MB21D2: variants seen among roughly 807,000 people sequenced by gnomAD.
MB21D2 encodes the protein nucleotidyltransferase MB21D2.
MB21D2 carries 9 observed loss-of-function variants against 33.3 expected under a neutral mutation model. The observed-to-expected ratio is 0.27, with a 90% CI of 0.16 to 0.47. The LOEUF is 0.47. MB21D2 is among the 20% of genes least tolerant of loss of function. The probability of loss-of-function intolerance (pLI) is 0.99; values close to 1 mark genes in which losing one functional copy is unlikely to be tolerated. For synonymous variants in MB21D2, 241 were observed against 236.3 expected, an observed-to-expected ratio of 1.02 and a Z score of -0.18; for missense variants, 540 against 624.6, an observed-to-expected ratio of 0.86 and a Z score of 1.44.
intron 1 of MB21D2, among the ~76,000 whole-genome samples, chr3:192,824,635 G>A (rs539855671): frequency 7.2e-5 from 11 of 152,176 alleles, no homozygotes; most frequent in South Asian, 4.2e-4. Context: ...ATAAAGAGGC[G>A]CTTGAGTTCA....
At chr3:192,840,415 C>CTT (rs71177380) in intron 1 of MB21D2, among the ~76,000 whole-genome samples, 20 of 88,292 alleles carry the variant, frequency 2.3e-4, no homozygotes, top group South Asian at 4.5e-4. Flanking sequence ...TCTCTTTTTT[C>CTT]TTTTTTTTTT....
At chr3:192,913,448 TTC>T (rs1169341346) in intron 1 of MB21D2, among the ~76,000 whole-genome samples, 1 of 152,202 alleles carries the variant, frequency 6.6e-6, no homozygotes, top group African/African-American at 2.4e-5. Flanking sequence ...CACGTATATA[TTC>T]TTTTTTAGTT....
intron 1 of MB21D2, among the ~76,000 whole-genome samples, chr3:192,889,785 A>G (rs1444770498): frequency 1.3e-5 from 2 of 152,178 alleles, no homozygotes; most frequent in African/African-American, 4.8e-5. Flanking sequence ...GCAACATAAC[A>G]AGAAAACATT....
chr3:192,819,562 A>G (rs1712001657), intron 1 of MB21D2, among the ~76,000 whole-genome samples: 1 of 152,182 alleles, frequency 6.6e-6, no homozygotes, highest in South Asian at 2.1e-4. Context: ...ATTTGAGGGA[A>G]GAGTCCTATA....
Position 192,798,106 on chromosome 3 carries a change from C to A in MB21D2, c.*280G>T. The A allele has an allele frequency of 3.1e-6, 1 of 319,686 alleles. No homozygotes were observed. Among genetic ancestry groups the A allele is most frequent in the Non-Finnish European group, 5.7e-6 (1 of 174,246 alleles). 19.8% of individuals were successfully genotyped at this position (319,686 alleles called of 1,614,324 possible). A position where few individuals can be genotyped will look rare whatever the true frequency, so the allele number is the denominator to read the frequency against. ...AAGCAAGAGGATTCATGGGCATTTT[C>A]ATCTATGGCTTAAGATCTCCTTAAA... is the stretch of plus-strand genomic sequence containing the variant. On this transcript the variant is annotated 3_prime_UTR_variant, in exon 2 of 2. Coordinates refer to ENST00000392452, the MANE Select transcript of MB21D2 (RefSeq NM_178496.4). The surrounding 1 kb of genome is among the most constrained non-coding windows in gnomAD (Gnocchi z 4.8).
intron 1 of MB21D2, among the ~76,000 whole-genome samples, chr3:192,822,362 G>A (rs1296667053): frequency 6.6e-6 from 1 of 152,162 alleles, no homozygotes; most frequent in East Asian, 1.9e-4. Flanking sequence ...GGTGACAGGA[G>A]TTCACCTCAG....
At chr3:192,800,187 G>A (rs987722070) in intron 1 of MB21D2, among the ~76,000 whole-genome samples, 3 of 152,120 alleles carry the variant, frequency 2.0e-5, no homozygotes, top group Admixed American at 1.3e-4. Flanking sequence ...AGTGTGGGCT[G>A]GAGACACTTT....
chr3:192,839,533 A>T (rs1712523650), intron 1 of MB21D2, among the ~76,000 whole-genome samples: 1 of 152,254 alleles, frequency 6.6e-6, no homozygotes, highest in Non-Finnish European at 1.5e-5. Flanking sequence ...TGAAGGTGAC[A>T]GTAAGAAGAA....
intron 1 of MB21D2, among the ~76,000 whole-genome samples, chr3:192,848,858 C>T (rs965124989): frequency 7.9e-5 from 12 of 152,190 alleles, no homozygotes; most frequent in African/African-American, 2.2e-4. Context: ...GCTAAGCTTC[C>T]ACTATGGAAA....
intron 1 of MB21D2, among the ~76,000 whole-genome samples, chr3:192,875,116 GTT>G (rs1265385717): frequency 2.0e-5 from 3 of 152,160 alleles, no homozygotes; most frequent in African/African-American, 7.2e-5. Flanking sequence ...ACGGAAAGCA[GTT>G]ATGTTACATC....
intron 1 of MB21D2, among the ~76,000 whole-genome samples, chr3:192,813,122 T>G (rs545559563): frequency 3.4e-4 from 51 of 152,176 alleles, no homozygotes; most frequent in Non-Finnish European, 4.7e-4. Flanking sequence ...GTAACTTTTC[T>G]GTTTAGTTTC....
intron 1 of MB21D2, among the ~76,000 whole-genome samples, chr3:192,845,806 C>T (rs925733302): frequency 2.0e-5 from 3 of 152,156 alleles, no homozygotes; most frequent in South Asian, 2.1e-4. Flanking sequence ...GGGCCAGGCG[C>T]GGTGGCTCAT....
chr3:192,834,062 T>C (rs1712378907), intron 1 of MB21D2, among the ~76,000 whole-genome samples: 1 of 152,172 alleles, frequency 6.6e-6, no homozygotes, highest in Non-Finnish European at 1.5e-5. Context: ...CCAATCACAC[T>C]GCAGGTACAT....
At chr3:192,860,576 A>C (rs1274753517) in intron 1 of MB21D2, among the ~76,000 whole-genome samples, 2 of 152,222 alleles carry the variant, frequency 1.3e-5, no homozygotes, top group African/African-American at 4.8e-5. Context: ...CCACATTGCA[A>C]ATTAAATGGA....
At chr3:192,853,278 C>T (rs970801691) in intron 1 of MB21D2, among the ~76,000 whole-genome samples, 1 of 152,210 alleles carries the variant, frequency 6.6e-6, no homozygotes, top group African/African-American at 2.4e-5. Context: ...AACCAACCGC[C>T]ATTCCATCCC....
intron 1 of MB21D2, among the ~76,000 whole-genome samples, chr3:192,903,121 TA>T (rs1714138699): frequency 6.6e-6 from 1 of 152,238 alleles, no homozygotes; most frequent in Non-Finnish European, 1.5e-5. Context: ...AAATTTTCCC[TA>T]CCTTGAAGCA....
intron 1 of MB21D2, among the ~76,000 whole-genome samples, chr3:192,859,805 A>T (rs112600758): frequency 6.6e-6 from 1 of 152,256 alleles, no homozygotes; most frequent in African/African-American, 2.4e-5. Context: ...CTGAGACCAC[A>T]GTTAAACATC....
At chr3:192,893,698 T>C (rs1400157773) in intron 1 of MB21D2, among the ~76,000 whole-genome samples, 1 of 152,192 alleles carries the variant, frequency 6.6e-6, no homozygotes, top group Admixed American at 6.5e-5. Flanking sequence ...AGCACTTTTC[T>C]CCCTTTCGAA....
In MB21D2 at chr3:192,917,689, T is replaced by C. The variant is rs770713887; in HGVS notation, c.152A>G (p.Tyr51Cys). ...QEFTKHDQRE[Y>C]DDQRALEIHT... ...AATCTCCAGCGCTCTCTGGTCGTCG[T>C]ATTCCCGCTGGTCGTGCTTCGTAAA... The change falls in exon 1 of 2, where the codon TAC becomes TGC. Residue 51 changes from tyrosine (Y) to cysteine (C), a missense_variant. Coordinates refer to ENST00000392452, the MANE Select transcript of MB21D2 (RefSeq NM_178496.4). 102 of 1,614,088 alleles carry C rather than the reference T, an allele frequency of 6.3e-5. No individual in the cohort carries two copies. The highest frequency in any genetic ancestry group is 8.5e-5 in the Non-Finnish European group (100 of 1,180,032).
Sources: allele counts gnomAD v4.1 joint callset (sites outside exome capture counted in the v4.1 genomes callset), GRCh38; gene constraint gnomAD v4.1.1; non-coding constraint Gnocchi (gnomAD v3.1); transcripts MANE v1.5; gene names NCBI Gene and HGNC (gene_info 2026-07-23, HGNC 2026-07-21).